MED30: variants seen among roughly 807,000 people sequenced by gnomAD.
MED30 encodes the protein mediator of RNA polymerase II transcription subunit 30.
In MED30, 8 loss-of-function variants were observed where a neutral mutation model predicts 21.7. The observed-to-expected ratio is 0.37, with a 90% CI of 0.22 to 0.67. MED30 has a LOEUF of 0.67. Among genes scored for constraint, MED30 ranks in the 30% least tolerant of loss-of-function variants. The probability of loss-of-function intolerance (pLI) is 0.58; values close to 1 mark genes in which losing one functional copy is unlikely to be tolerated. For synonymous variants in MED30, 79 were observed against 86.7 expected (o/e 0.91, Z 0.49); for missense variants, 203 against 228.2 (o/e 0.89, Z 0.71).
At chr8:117,522,860 T>A (rs1332662196) in intron 1 of MED30, among the ~76,000 whole-genome samples, 2 of 152,152 alleles carry the variant, frequency 1.3e-5, no homozygotes, top group East Asian at 1.9e-4. Flanking sequence ...TTAAAAAAAA[T>A]TTTGTCCTGT....
intron 1 of MED30, 34 bp from the exon 2 acceptor site, chr8:117,528,617 C>A: frequency 6.6e-7 from 1 of 1,514,642 alleles, no homozygotes; most frequent in Admixed American, 2.4e-5. Context: ...TTTTTCATTA[C>A]TTGATATTTT....
chr8:117,530,181 G>A (rs16889839), intron 2 of MED30, among the ~76,000 whole-genome samples: 8,494 of 151,986 alleles, frequency 0.056, 481 homozygotes, highest in African/African-American at 0.15. Flanking sequence ...TCACAACTGC[G>A]AAAACTTAAG....
At position 117,521,051 on chromosome 8, in the gene MED30, C is replaced by T; in HGVS notation, c.175C>T (p.Gln59Ter). Reference sequence around the variant, plus strand: ...GATCTTCCAGCTCCTGAGGAACATGCAGGTAGGAAGGCGGGCGCGCGAGGC... The same window carrying T: ...GATCTTCCAGCTCCTGAGGAACATGTAGGTAGGAAGGCGGGCGCGCGAGGC... Reference protein sequence around the residue: ...MEIFQLLRNMQLPNGVTYHTG... With the variant: ...MEIFQLLRNM Residue 59 changes from glutamine (Q) to a stop codon, truncating the protein, a stop_gained and splice_region_variant, in exon 1 of 4, where the codon CAG becomes TAG. Coordinates refer to ENST00000297347, the MANE Select transcript of MED30 (RefSeq NM_080651.4). LOFTEE classifies it high-confidence loss of function. The T allele has an allele frequency of 6.3e-7, 1 of 1,581,636 alleles. No homozygotes were observed. Among genetic ancestry groups the T allele is most frequent in the Non-Finnish European group, 8.6e-7 (1 of 1,159,272 alleles).
At chr8:117,524,962 T>C (rs1225630557) in intron 1 of MED30, among the ~76,000 whole-genome samples, 1 of 152,220 alleles carries the variant, frequency 6.6e-6, no homozygotes, top group Non-Finnish European at 1.5e-5. Flanking sequence ...TGCATGGAAA[T>C]ACTGTAATTT....
chr8:117,536,332 C>CT (rs1024659433), intron 3 of MED30, among the ~76,000 whole-genome samples: 1 of 152,070 alleles, frequency 6.6e-6, no homozygotes, highest in African/African-American at 2.4e-5. Context: ...AAATAAGTTG[C>CT]TTTATAGATC....
At chr8:117,527,248 A>C (rs1353021964) in intron 1 of MED30, among the ~76,000 whole-genome samples, 1 of 151,992 alleles carries the variant, frequency 6.6e-6, no homozygotes, top group Non-Finnish European at 1.5e-5. Context: ...GTTCAGGAGG[A>C]GAAATCTTAC....
At chr8:117,529,595 G>T (rs894524268) in intron 2 of MED30, among the ~76,000 whole-genome samples, 1 of 151,876 alleles carries the variant, frequency 6.6e-6, no homozygotes, top group Admixed American at 6.6e-5. Flanking sequence ...GTCGGGTGAA[G>T]ATTAAACAGG....
chr8:117,525,704 TC>T (rs1818708667), intron 1 of MED30, among the ~76,000 whole-genome samples: 1 of 152,118 alleles, frequency 6.6e-6, no homozygotes, highest in Non-Finnish European at 1.5e-5. Flanking sequence ...ACTGAATAAT[TC>T]ACTTGCTTCT....
chr8:117,522,293 A>T (rs1205517181), intron 1 of MED30, among the ~76,000 whole-genome samples: 1 of 152,200 alleles, frequency 6.6e-6, no homozygotes, highest in African/African-American at 2.4e-5. Context: ...TTCTTCTAGA[A>T]GTTTTGTACT....
intron 1 of MED30, 109 bp from the exon 2 acceptor site, chr8:117,528,542 A>G: frequency 4.8e-6 from 4 of 833,658 alleles, no homozygotes; most frequent in Non-Finnish European, 7.3e-6. Context: ...GGGACAGCTT[A>G]TGTCTATGCA....
chr8:117,521,029 C>G lies in MED30; in HGVS notation c.153C>G (p.Ile51Met). 6.3e-7 allele frequency: 1 copy of G among 1,591,480 alleles called. No individual in the cohort carries two copies. The highest frequency in any genetic ancestry group is 8.6e-7 in the Non-Finnish European group (1 of 1,165,678). Residue 51 changes from isoleucine (I) to methionine (M), a missense_variant, in exon 1 of 4, where the codon ATC (isoleucine) becomes ATG (methionine). Physicochemically the swap from Ile to Met is conservative, Grantham distance 10. Coordinates refer to ENST00000297347, the MANE Select transcript of MED30 (RefSeq NM_080651.4). ...VQDIVYRTME[I>M]FQLLRNMQLP... is the part of the protein sequence containing the mutation. Reference sequence around the variant, plus strand: ...ACATCGTGTACCGCACCATGGAGATCTTCCAGCTCCTGAGGAACATGCAGG... The same window carrying G: ...ACATCGTGTACCGCACCATGGAGATGTTCCAGCTCCTGAGGAACATGCAGG...
chr8:117,527,636 CTTTTTTTTT>C (rs3040826), intron 1 of MED30, among the ~76,000 whole-genome samples: 3 of 127,596 alleles, frequency 2.4e-5, no homozygotes, highest in African/African-American at 3.0e-5. Context: ...TTTTTTCTTT[CTTTTTTTTT>C]TTTTTTTTTG....
intron 3 of MED30, among the ~76,000 whole-genome samples, chr8:117,536,995 GGGGCCACATGTGGCCTGT>G (rs1818889152): frequency 6.6e-6 from 1 of 152,204 alleles, no homozygotes; most frequent in Non-Finnish European, 1.5e-5. Context: ...ACAGCCGACT[GGGGCCACATGTGGCCTGT>G]GGGCCACAGT....
intron 1 of MED30, chr8:117,523,350 G>A: frequency 6.6e-7 from 1 of 1,511,548 alleles, no homozygotes; most frequent in Non-Finnish European, 9.1e-7. Context: ...CGGCTTTCTT[G>A]TCGGCACCAG....
In MED30 at chr8:117,540,108, A is replaced by G; in HGVS notation, c.*130A>G. 1 of 471,810 alleles carries G rather than the reference A, an allele frequency of 2.1e-6. No individual in the cohort carries two copies. Among genetic ancestry groups the G allele is most frequent in the Non-Finnish European group, 3.6e-6 (1 of 275,510 alleles). The allele number at this position is 471,810 out of a possible 1,614,324, so 29.2% of individuals were successfully genotyped here. A position where few individuals can be genotyped will look rare whatever the true frequency, so the allele number is the denominator to read the frequency against. On this transcript the variant is annotated 3_prime_UTR_variant, in exon 4 of 4. Transcript: ENST00000297347. The stretch of plus-strand genomic sequence containing the variant: ...CTAAAACTAAAGTTTTTATTTTTAC[A>G]TTGTGATTTTTACATTAAAATATTA...
intron 3 of MED30, 79 bp from the exon 4 acceptor site, chr8:117,539,804 A>AACTT (rs1818947762): frequency 1.2e-6 from 1 of 834,462 alleles, no homozygotes; most frequent in Non-Finnish European, 1.9e-6. Flanking sequence ...TTATAATCCT[A>AACTT]ACTTATGATA....
chr8:117,522,849 T>A (rs1461352789), intron 1 of MED30, among the ~76,000 whole-genome samples: 1 of 152,134 alleles, frequency 6.6e-6, no homozygotes, highest in African/African-American at 2.4e-5. Flanking sequence ...TTTAGCATAC[T>A]TTAAAAAAAA....
rs1818952015 is a variant in MED30, at chr8:117,539,975, C to G, written c.534C>G (p.Asn178Lys). 6.4e-7 allele frequency: 1 copy of G among 1,574,672 alleles called. No individual in the cohort carries two copies. The highest frequency in any genetic ancestry group is 1.4e-5 in the African/African-American group (1 of 73,832). Residue 178 changes from asparagine to lysine, a missense_variant, in exon 4 of 4, where the codon AAC becomes AAG. Asn to Lys is a moderately conservative substitution (Grantham distance 94). Transcript: ENST00000297347. ...TAAATGCCATGTTGGCAATGAGGAA[C>G]TAAGCTGATATTTAAATTTCCTGCT... ...WDINAMLAMR[N>K]
chr8:117,539,161 C>T (rs947686115), intron 3 of MED30, among the ~76,000 whole-genome samples: 2 of 151,960 alleles, frequency 1.3e-5, no homozygotes, highest in African/African-American at 2.4e-5. Flanking sequence ...ACTAAAGTAC[C>T]GGGAGGTTAA....
Sources: allele counts gnomAD v4.1 joint callset (sites outside exome capture counted in the v4.1 genomes callset), GRCh38; gene constraint gnomAD v4.1.1; transcripts MANE v1.5; gene names NCBI Gene and HGNC (gene_info 2026-07-23, HGNC 2026-07-21).